HECW1: variants seen among roughly 807,000 people sequenced by gnomAD.
HECW1 encodes HECT, C2 and WW domain containing E3 ubiquitin protein ligase 1.
In HECW1, 61 loss-of-function variants were observed where a neutral mutation model predicts 182.3. The ratio of observed to expected loss-of-function variants is 0.33; its 90% CI spans 0.27 to 0.41. The LOEUF is 0.41. Ranked by LOEUF, HECW1 falls within the 10% of genes least tolerant of loss-of-function variation. The pLI, the probability that HECW1 is intolerant of heterozygous loss-of-function variation, is 1.00. For missense variants in HECW1, 1,739 were observed against 2,108.9 expected, an observed-to-expected ratio of 0.82 and a Z score of 3.44; for synonymous variants, 859 against 832.6, an observed-to-expected ratio of 1.03 and a Z score of -0.55.
chr7:43,523,609 A>T (rs2080618222), intron 24 of HECW1, among the ~76,000 whole-genome samples: 1 of 152,146 alleles, frequency 6.6e-6, no homozygotes, highest in African/African-American at 2.4e-5. Context: ...ATTGCACTCC[A>T]GCCTGAGCAA....
At chr7:43,399,567 G>A (rs2075337216) in intron 7 of HECW1, among the ~76,000 whole-genome samples, 1 of 152,186 alleles carries the variant, frequency 6.6e-6, no homozygotes. Context: ...TGCATGGTGA[G>A]CAGGGCAGGA....
intron 3 of HECW1, among the ~76,000 whole-genome samples, chr7:43,290,934 C>T (rs1805322386): frequency 6.6e-6 from 1 of 152,118 alleles, no homozygotes; most frequent in Admixed American, 6.5e-5. Context: ...CCCAGAGGAG[C>T]CAGGATGAAG....
chr7:43,489,330 T>G (rs2078841867), intron 17 of HECW1, among the ~76,000 whole-genome samples: 1 of 152,240 alleles, frequency 6.6e-6, no homozygotes, highest in Non-Finnish European at 1.5e-5. Flanking sequence ...AAAAAGAGAC[T>G]TATAATTTCA....
At chr7:43,375,990 G>A (rs1021223567) in intron 6 of HECW1, among the ~76,000 whole-genome samples, 3 of 149,014 alleles carry the variant, frequency 2.0e-5, no homozygotes, top group Admixed American at 2.0e-4. Flanking sequence ...TACTGGTTGA[G>A]GTGCATATAT....
intron 8 of HECW1, among the ~76,000 whole-genome samples, chr7:43,426,911 C>T (rs535915286): frequency 8.6e-5 from 13 of 151,702 alleles, no homozygotes; most frequent in African/African-American, 1.2e-4. Context: ...ATATGCAAAA[C>T]GTGGAAGCTG....
intron 11 of HECW1, 150 bp downstream of exon 11, chr7:43,445,720 G>A: frequency 1.1e-6 from 1 of 927,642 alleles, no homozygotes; most frequent in Non-Finnish European, 1.6e-6. Context: ...ATGTGTGCAT[G>A]TGTATCTGTG....
At chr7:43,284,167 A>G (rs562763133) in intron 3 of HECW1, among the ~76,000 whole-genome samples, 16 of 152,146 alleles carry the variant, frequency 1.1e-4, no homozygotes, top group Admixed American at 7.2e-4. Flanking sequence ...AGGTAATCTT[A>G]TAGGAAATGG....
chr7:43,451,864 C>A (rs34578029), intron 12 of HECW1, among the ~76,000 whole-genome samples: 63,813 of 151,946 alleles, frequency 0.42, 13,594 homozygotes, highest in South Asian at 0.48. Context: ...AATGCAAGGA[C>A]CCAGTGTTTC....
At chr7:43,451,002 T>A (rs1008929288) in intron 12 of HECW1, 73 bp downstream of exon 12, 3 of 1,023,714 alleles carry the variant, frequency 2.9e-6, no homozygotes, top group African/African-American at 3.1e-5. Flanking sequence ...TGAATTTGTG[T>A]GTAAACATCT....
chr7:43,124,246 T>G (rs910361334), intron 2 of HECW1, among the ~76,000 whole-genome samples: 5 of 152,198 alleles, frequency 3.3e-5, no homozygotes, highest in African/African-American at 9.7e-5. Context: ...CAAAAGAGAG[T>G]GAACGGCTTT....
At chr7:43,267,178 C>T (rs1020711596) in intron 3 of HECW1, among the ~76,000 whole-genome samples, 2 of 152,094 alleles carry the variant, frequency 1.3e-5, no homozygotes, top group East Asian at 1.9e-4. Flanking sequence ...TAGACTATGT[C>T]ATCATTGCAA....
chr7:43,211,019 G>A (rs1215603695), intron 2 of HECW1, among the ~76,000 whole-genome samples: 1 of 152,212 alleles, frequency 6.6e-6, no homozygotes, highest in East Asian at 1.9e-4. Flanking sequence ...TTGTATCCCG[G>A]TCATTGTATT....
chr7:43,145,886 G>A (rs558101557), intron 2 of HECW1, among the ~76,000 whole-genome samples: 1 of 152,258 alleles, frequency 6.6e-6, no homozygotes, highest in South Asian at 2.1e-4. Flanking sequence ...ACCACTTTGG[G>A]TCCTTTGTAG....
intron 2 of HECW1, among the ~76,000 whole-genome samples, chr7:43,186,395 C>T (rs1280537520): frequency 6.6e-6 from 1 of 152,116 alleles, no homozygotes; most frequent in East Asian, 1.9e-4. Flanking sequence ...TGGCTGGGCG[C>T]AGTGGCTCAC....
chr7:43,491,891 C>G (rs1323822557), intron 17 of HECW1, among the ~76,000 whole-genome samples, 184 bp from the exon 18 acceptor site: 2 of 152,198 alleles, frequency 1.3e-5, no homozygotes, highest in African/African-American at 4.8e-5. Flanking sequence ...GCTTTCTTAA[C>G]CATAGTATAG....
At chr7:43,459,077 A>C (rs1372598718) in intron 13 of HECW1, among the ~76,000 whole-genome samples, 3 of 152,174 alleles carry the variant, frequency 2.0e-5, no homozygotes, top group Admixed American at 6.6e-5. Context: ...CATGGCAGGA[A>C]AATGCCTCCC....
At chr7:43,489,027 G>A (rs2078829555) in intron 17 of HECW1, among the ~76,000 whole-genome samples, 1 of 152,186 alleles carries the variant, frequency 6.6e-6, no homozygotes, top group East Asian at 1.9e-4. Flanking sequence ...AATTTCCTGT[G>A]AAGGCCAGGA....
chr7:43,125,614 C>T (rs899744577), intron 2 of HECW1, among the ~76,000 whole-genome samples: 18 of 151,680 alleles, frequency 1.2e-4, no homozygotes, highest in African/African-American at 3.4e-4. Flanking sequence ...AAAAATTAGC[C>T]GGGCATGGTG....
intron 2 of HECW1, among the ~76,000 whole-genome samples, chr7:43,145,797 C>T (rs1394370919): frequency 6.6e-6 from 1 of 152,062 alleles, no homozygotes; most frequent in Non-Finnish European, 1.5e-5. Context: ...TGTAGGCTAC[C>T]CAACCCTCTG....
Sources: gnomAD v4.1 joint callset for allele counts (sites outside exome capture counted in the v4.1 genomes callset) on GRCh38, gnomAD v4.1.1 for gene constraint, MANE v1.5 for transcripts, NCBI Gene and HGNC (gene_info 2026-07-23, HGNC 2026-07-21) for gene names.